The following MEST variants were observed in gnomAD, a reference collection of about 807,000 sequenced individuals.
MEST encodes the protein mesoderm-specific transcript homolog protein.
MEST carries 18 observed loss-of-function variants against 50.9 expected under a neutral mutation model. The observed-to-expected ratio is 0.35, with a 90% CI of 0.24 to 0.52. MEST has a LOEUF of 0.52. Ranked by LOEUF, MEST falls within the 20% of genes least tolerant of loss-of-function variation. The pLI, the probability that MEST is intolerant of heterozygous loss-of-function variation, is 0.94. For synonymous variants in MEST, 130 were observed against 154.1 expected (o/e 0.84, Z 1.16); for missense variants, 282 against 425.3 (o/e 0.66, Z 2.96).
intron 2 of MEST, chr7:130,496,434 T>TG: frequency 9.5e-6 from 3 of 315,472 alleles, no homozygotes; most frequent in Non-Finnish European, 1.8e-5. Flanking sequence ...AAATTATTTT[T>TG]GAAAACCTTA....
intron 10 of MEST, 71 bp downstream of exon 10, chr7:130,502,791 C>A: frequency 9.2e-7 from 1 of 1,091,698 alleles, no homozygotes; most frequent in Non-Finnish European, 1.4e-6. Context: ...CTCCTTTATA[C>A]AATTAGGGTT....
upstream of MEST, chr7:130,488,269 T>C (rs993336261): frequency 1.3e-5 from 2 of 152,242 alleles, no homozygotes; most frequent in Non-Finnish European, 2.9e-5. Context: ...CCAAAATGGC[T>C]GAGCCACCCA....
intron 5 of MEST, 23 bp downstream of exon 5, chr7:130,498,298 G>A (rs781844491): frequency 3.1e-6 from 5 of 1,613,008 alleles, no homozygotes; most frequent in Non-Finnish European, 4.2e-6. Flanking sequence ...TCAGACTTCA[G>A]CTTATGATGC....
intron 6 of MEST, chr7:130,498,843 C>T (rs1266980925): frequency 3.4e-6 from 1 of 291,730 alleles, no homozygotes; most frequent in Non-Finnish European, 6.4e-6. Flanking sequence ...TTTGCCATAT[C>T]TGAAACAACT....
chr7:130,503,205 T>A (rs578065023), intron 10 of MEST, among the ~76,000 whole-genome samples: 74 of 152,090 alleles, frequency 4.9e-4, no homozygotes, highest in Non-Finnish European at 9.3e-4. Flanking sequence ...CTTACAGATT[T>A]AAAAAAAAAT....
At position 130,500,560 on chromosome 7, in the gene MEST, C is replaced by T; in HGVS notation, c.647+28C>T. The T allele has an allele frequency of 6.3e-7, 1 of 1,599,174 alleles. No homozygotes were observed. Among genetic ancestry groups the T allele is most frequent in the Non-Finnish European group, 8.5e-7 (1 of 1,169,622 alleles). On this transcript the variant is annotated intron_variant, in intron 8 of 11. Transcript: ENST00000223215. This position sits in a 1 kb window ranked among gnomAD's most constrained non-coding sequence, Gnocchi z 5.0. ...AAGTGTCACTGTCAAAGATTGTGGC[C>T]TAGAGCAATGTCGTGAAAAGTTGCT...
intron 6 of MEST, among the ~76,000 whole-genome samples, 173 bp from the exon 7 acceptor site, chr7:130,499,702 T>C (rs797038109): frequency 2.0e-5 from 3 of 152,028 alleles, no homozygotes; most frequent in African/African-American, 7.2e-5. Context: ...TTGACCTAAA[T>C]GTAGGTAGGC....
At chr7:130,503,127 G>C (rs544699941) in intron 10 of MEST, among the ~76,000 whole-genome samples, 2 of 152,260 alleles carry the variant, frequency 1.3e-5, no homozygotes, top group African/African-American at 4.8e-5. Context: ...TGAATTGCTC[G>C]GACAGAAGGC....
intron 10 of MEST, among the ~76,000 whole-genome samples, chr7:130,503,023 G>GT (rs1799334870): frequency 6.6e-6 from 1 of 152,176 alleles, no homozygotes; most frequent in African/African-American, 2.4e-5. Flanking sequence ...TGTGTGTAGA[G>GT]TGAAGTATAT....
chr7:130,498,447 A>G lies in MEST; in HGVS notation c.505A>G (p.Thr169Ala). 6.2e-7 allele frequency: 1 copy of G among 1,614,170 alleles called. No homozygotes were observed. The highest frequency in any genetic ancestry group is 8.5e-7 in the Non-Finnish European group (1 of 1,180,030). Reference protein sequence around the residue: ...RYKQNRSGRLTIKSLCLSNGG... With the variant: ...RYKQNRSGRLAIKSLCLSNGG... ...CAAGCAGAATCGATCTGGTCGGCTT[A>G]CCATAAAGAGTCTCTGTCTGTCAAA... The change falls in exon 6 of 12, where the codon ACC becomes GCC. Residue 169 changes from threonine to alanine, a missense_variant. Transcript: ENST00000223215.
At chr7:130,498,398 G>C (rs1192635412) in intron 5 of MEST, 21 bp from the exon 6 acceptor site, 18 of 1,614,016 alleles carry the variant, frequency 1.1e-5, no homozygotes, top group Non-Finnish European at 1.4e-5. Context: ...CTACATGTGT[G>C]TTTCCTCGTC....
At chr7:130,503,444 C>T (rs554782030) in intron 10 of MEST, among the ~76,000 whole-genome samples, 1 of 152,266 alleles carries the variant, frequency 6.6e-6, no homozygotes, top group African/African-American at 2.4e-5. Context: ...TGGTACGTGC[C>T]TAGCAGTTTT....
chr7:130,491,077 C>G (rs530602581), upstream of MEST: 9 of 152,424 alleles, frequency 5.9e-5, no homozygotes, highest in Admixed American at 2.6e-4. The surrounding 1 kb of genome is among the most constrained non-coding windows in gnomAD (Gnocchi z 6.8). Flanking sequence ...TCGCACCCCA[C>G]GTTTGTTCAC....
At position 130,497,223 on chromosome 7, in the gene MEST, C is replaced by T. The variant is rs200591455; in HGVS notation, c.249C>T (p.Tyr83=). The change falls in exon 3 of 12, where the codon TAC becomes TAT. Residue 83 remains tyrosine, a synonymous_variant. Coordinates refer to ENST00000223215, the MANE Select transcript of MEST (RefSeq NM_002402.4). The surrounding 1 kb of genome is among the most constrained non-coding windows in gnomAD (Gnocchi z 4.0). The part of the protein sequence containing the change: ...VLLHGFPTSS[Y]DWYKIWEGLT... ...TACACGGTTTTCCAACATCCAGCTACGACTGGTACAAGGTAATGAAGTCAG... is the reference window on the plus strand; with the variant it reads ...TACACGGTTTTCCAACATCCAGCTATGACTGGTACAAGGTAATGAAGTCAG... 2.9e-5 allele frequency: 46 copies of T among 1,612,892 alleles called. No individual in the cohort carries two copies. In the Middle Eastern group the frequency reaches 8.3e-4, roughly 29 times the overall value.
chr7:130,505,967 CA>C lies in MEST; in HGVS notation c.*912del, dbSNP rs1463658292. The C allele has an allele frequency of 2.6e-5, 4 of 152,594 alleles. No individual in the cohort carries two copies. The highest frequency in any genetic ancestry group is 9.6e-5 in the African/African-American group (4 of 41,540). 9.5% of individuals were successfully genotyped at this position (152,594 alleles called of 1,614,324 possible). A position where few individuals can be genotyped will look rare whatever the true frequency, so the allele number is the denominator to read the frequency against. ...AGGGATTGTTGTGTAGTCAAGTCAC[CA>C]TGCTGAATGTACACTGATTCCTTTA... On this transcript the variant is annotated 3_prime_UTR_variant, in exon 12 of 12. Transcript: ENST00000223215.
At chr7:130,494,911 C>A in intron 1 of MEST, 1 of 876,132 alleles carries the variant, frequency 1.1e-6, no homozygotes, top group Non-Finnish European at 1.4e-6. Flanking sequence ...ATTTTTTGAA[C>A]ATTTTACTGG....
chr7:130,498,091 G>C (rs1554437563), intron 4 of MEST, 48 bp from the exon 5 acceptor site: 2 of 1,614,058 alleles, frequency 1.2e-6, no homozygotes, highest in East Asian at 4.5e-5. Context: ...GGCAGAGAGA[G>C]CTGTCCTCAT....
upstream of MEST, among the ~76,000 whole-genome samples, chr7:130,491,644 G>C (rs1289057836): frequency 6.6e-6 from 1 of 151,962 alleles, no homozygotes; most frequent in Non-Finnish European, 1.5e-5. The surrounding 1 kb of genome is among the most constrained non-coding windows in gnomAD (Gnocchi z 6.8). Context: ...CGCCACGGCC[G>C]GCACCCCAGA....
At chr7:130,504,783 G>A (rs1799415382) in intron 11 of MEST, among the ~76,000 whole-genome samples, 156 bp from the exon 12 acceptor site, 1 of 152,208 alleles carries the variant, frequency 6.6e-6, no homozygotes, top group South Asian at 2.1e-4. Flanking sequence ...AAGTTTATCT[G>A]CCTAAGATAC....
Sources: allele counts gnomAD v4.1 joint callset (sites outside exome capture counted in the v4.1 genomes callset), GRCh38; gene constraint gnomAD v4.1.1; non-coding constraint Gnocchi (gnomAD v3.1); transcripts MANE v1.5; gene names NCBI Gene and HGNC (gene_info 2026-07-23, HGNC 2026-07-21).